Variants in IL1RAPL1 observed in about 807,000 individuals in gnomAD.
IL1RAPL1 encodes the protein interleukin-1 receptor accessory protein-like 1.
A neutral mutation model predicts 48.4 loss-of-function variants in IL1RAPL1; 3 were observed. The ratio of observed to expected loss-of-function variants is 0.06; its 90% confidence interval spans 0.03 to 0.16. The LOEUF (loss-of-function observed/expected upper bound fraction) is 0.16. IL1RAPL1 is among the 10% of genes least tolerant of loss of function. The probability of loss-of-function intolerance (pLI) is 1.00; values close to 1 mark genes in which losing one functional copy is unlikely to be tolerated. For synonymous variants in IL1RAPL1, 185 were observed against 187.7 expected (o/e 0.99, Z 0.12); for missense variants, 349 against 530.6 (o/e 0.66, Z 3.36).
chrX:29,920,898 T>C (rs1299841404), intron 8 of IL1RAPL1, among the ~76,000 whole-genome samples: 2 of 108,794 alleles, frequency 1.8e-5, no homozygotes, highest in Admixed American at 9.8e-5. Flanking sequence ...TACTGGAAGA[T>C]TGCTCCTTTA....
In IL1RAPL1 at chrX:29,064,028, G is replaced by A. The variant is rs745589223; in HGVS notation, c.83-218910G>A. Among the ~76,000 whole-genome samples the A allele has an allele frequency of 2.7e-5, 3 of 111,811 alleles. No homozygotes were observed. In the East Asian group the frequency reaches 8.5e-4, roughly 32 times the overall value. On this transcript the variant is annotated intron_variant, in intron 2 of 10. Coordinates refer to ENST00000378993, the MANE Select transcript of IL1RAPL1 (RefSeq NM_014271.4). ...ACACCTATAGAAAGATGAGTGTGTG[G>A]GGATGGCATAGACCCAACCAGCAGC...
chrX:29,579,418 A>C (rs1922887154), intron 5 of IL1RAPL1, among the ~76,000 whole-genome samples: 1 of 111,960 alleles, frequency 8.9e-6, no homozygotes, highest in Admixed American at 9.5e-5. Flanking sequence ...TGGAAGTTGC[A>C]GACTTAGTAA....
At position 28,662,193 on chromosome X, in the gene IL1RAPL1, C is replaced by T. The variant is rs1300757741; in HGVS notation, c.-25+74146C>T. Reference sequence around the variant, plus strand: ...AACCAATTTGGAAAGAGTTTAACTACGGTATTTAAAACTGTGGCAGCTGTA... The same window carrying T: ...AACCAATTTGGAAAGAGTTTAACTATGGTATTTAAAACTGTGGCAGCTGTA... On this transcript the variant is annotated intron_variant, in intron 1 of 10. Transcript: ENST00000378993. 3.6e-5 allele frequency among the ~76,000 whole-genome samples: 4 copies of T among 110,592 alleles called. 1 individual carries two copies. Among genetic ancestry groups the T allele is most frequent in the African/African-American group, 6.6e-5 (2 of 30,355 alleles).
intron 2 of IL1RAPL1, among the ~76,000 whole-genome samples, chrX:29,053,098 A>G (rs1380410429): frequency 9.0e-6 from 1 of 111,123 alleles, no homozygotes; most frequent in Non-Finnish European, 1.9e-5. Flanking sequence ...CTCATCATTT[A>G]GCTCCCACTT....
chrX:28,618,383 T>G (rs1032689527), intron 1 of IL1RAPL1, among the ~76,000 whole-genome samples: 6 of 112,569 alleles, frequency 5.3e-5, no homozygotes, highest in Non-Finnish European at 9.4e-5. Flanking sequence ...AATATTTGGG[T>G]TAAGTTAATA....
intron 8 of IL1RAPL1, among the ~76,000 whole-genome samples, chrX:29,935,211 T>C (rs1057309286): frequency 4.5e-5 from 5 of 110,954 alleles, no homozygotes; most frequent in African/African-American, 1.3e-4. Flanking sequence ...TTATTGGTGA[T>C]GTTAAATTTG....
chrX:29,133,492 GT>G (rs202087459), intron 2 of IL1RAPL1, among the ~76,000 whole-genome samples: 5 of 109,588 alleles, frequency 4.6e-5, no homozygotes, highest in Non-Finnish European at 7.6e-5. Context: ...TATGCTTTAG[GT>G]TTTTTTTTGG....
At chrX:28,804,838 A>G (rs748992012) in intron 2 of IL1RAPL1, among the ~76,000 whole-genome samples, 13 of 111,582 alleles carry the variant, frequency 1.2e-4, no homozygotes, top group South Asian at 3.7e-4. Context: ...TATTCTGTCA[A>G]TCACAGTGGT....
At chrX:29,169,464 T>C (rs1036609489) in intron 2 of IL1RAPL1, among the ~76,000 whole-genome samples, 3 of 110,610 alleles carry the variant, frequency 2.7e-5, no homozygotes, top group Non-Finnish European at 3.8e-5. Flanking sequence ...GTCTCAAGAC[T>C]TCCTTAAGTA....
chrX:28,984,718 A>G (rs1374473409), intron 2 of IL1RAPL1, among the ~76,000 whole-genome samples: 1 of 111,556 alleles, frequency 9.0e-6, no homozygotes, highest in Non-Finnish European at 1.9e-5. Context: ...GTCCCTGACC[A>G]TGCACACTAA....
At chrX:29,200,472 C>T (rs1283257209) in intron 2 of IL1RAPL1, among the ~76,000 whole-genome samples, 1 of 111,991 alleles carries the variant, frequency 8.9e-6, no homozygotes, top group Non-Finnish European at 1.9e-5. Flanking sequence ...GAATATATGA[C>T]TATTGCAAAT....
intron 3 of IL1RAPL1, among the ~76,000 whole-genome samples, chrX:29,377,393 T>C (rs921098769): frequency 8.9e-6 from 1 of 111,927 alleles, no homozygotes. Context: ...ATTTTGATCC[T>C]TTCATCATGT....
At chrX:29,479,136 T>A in intron 5 of IL1RAPL1, among the ~76,000 whole-genome samples, 1 of 109,629 alleles carries the variant, frequency 9.1e-6, no homozygotes, top group Admixed American at 9.7e-5. Flanking sequence ...TCAGCTGGGC[T>A]CTGTGGCTCA....
At chrX:29,633,273 A>G (rs1209952668) in intron 5 of IL1RAPL1, among the ~76,000 whole-genome samples, 1 of 111,523 alleles carries the variant, frequency 9.0e-6, no homozygotes, top group Non-Finnish European at 1.9e-5. Context: ...ATATGATTTC[A>G]TTTACCTAAA....
intron 5 of IL1RAPL1, among the ~76,000 whole-genome samples, chrX:29,495,984 G>A (rs952963090): frequency 1.8e-5 from 2 of 110,419 alleles, no homozygotes; most frequent in Non-Finnish European, 3.8e-5. Flanking sequence ...CAGTCCCTAA[G>A]TAGGCAAATC....
intron 2 of IL1RAPL1, among the ~76,000 whole-genome samples, chrX:28,984,724 A>G (rs1447123727): frequency 9.0e-6 from 1 of 111,462 alleles, no homozygotes; most frequent in African/African-American, 3.3e-5. Context: ...GACCATGCAC[A>G]CTAAACACAA....
chrX:29,865,476 T>G (rs1931669219), intron 6 of IL1RAPL1, among the ~76,000 whole-genome samples: 1 of 111,291 alleles, frequency 9.0e-6, no homozygotes, highest in Admixed American at 9.6e-5. Context: ...TCTCATTTTG[T>G]GTAGTTGAGA....
At chrX:29,084,367 A>G (rs1927907524) in intron 2 of IL1RAPL1, among the ~76,000 whole-genome samples, 1 of 111,903 alleles carries the variant, frequency 8.9e-6, no homozygotes, top group Admixed American at 9.5e-5. Context: ...CTGGTAAAAT[A>G]GTTTATTAAA....
chrX:29,582,647 G>T (rs2147804685), intron 5 of IL1RAPL1, among the ~76,000 whole-genome samples: 1 of 59,931 alleles, frequency 1.7e-5, no homozygotes, highest in Non-Finnish European at 3.0e-5. Flanking sequence ...TGCGGTGTTT[G>T]GTTTTTTGTT....
Sources: allele counts gnomAD v4.1 joint callset (sites outside exome capture counted in the v4.1 genomes callset), GRCh38; gene constraint gnomAD v4.1.1; transcripts MANE v1.5; gene names NCBI Gene and HGNC (gene_info 2026-07-23, HGNC 2026-07-21).